DPP6: variants seen among roughly 807,000 people sequenced by gnomAD.
DPP6 encodes the protein dipeptidyl peptidase like 6, also known as A-type potassium channel modulatory protein DPP6.
Under a neutral mutation model 122.6 loss-of-function variants are expected in DPP6, and 69 were observed. That is an observed-to-expected ratio of 0.56 (90% CI 0.46 to 0.69). The LOEUF is 0.69. Among genes scored for constraint, DPP6 ranks in the 30% least tolerant of loss-of-function variants. The probability of loss-of-function intolerance (pLI) is 0.00; values close to 1 mark genes in which losing one functional copy is unlikely to be tolerated. For synonymous variants in DPP6, 418 were observed against 433.1 expected (o/e 0.97, Z 0.43); for missense variants, 928 against 1,116.9 (o/e 0.83, Z 2.41).
the DPP6 span, among the ~76,000 whole-genome samples, chr7:153,798,072 G>A: frequency 6.6e-6 from 1 of 152,084 alleles, no homozygotes; most frequent in Non-Finnish European, 1.5e-5. Context: ...TTGATCTCCT[G>A]ACCTCCTGAT....
intron 1 of DPP6, among the ~76,000 whole-genome samples, chr7:154,392,809 CA>C (rs1465588166): frequency 4.6e-5 from 7 of 152,162 alleles, no homozygotes; most frequent in African/African-American, 1.7e-4. Flanking sequence ...GAAGGAATGG[CA>C]GGTAATTTGC....
At chr7:154,347,003 C>A (rs1330374096) in intron 1 of DPP6, among the ~76,000 whole-genome samples, 2 of 152,178 alleles carry the variant, frequency 1.3e-5, no homozygotes, top group African/African-American at 4.8e-5. Context: ...TGTATCTCAG[C>A]AAACTCTACT....
intron 1 of DPP6, among the ~76,000 whole-genome samples, chr7:154,173,844 C>G (rs950801928): frequency 6.6e-6 from 1 of 152,168 alleles, no homozygotes; most frequent in Non-Finnish European, 1.5e-5. Context: ...GTGGGACATC[C>G]GGGGCCTTTG....
intron 1 of DPP6, among the ~76,000 whole-genome samples, chr7:154,356,700 A>T (rs901573311): frequency 2.0e-5 from 3 of 152,232 alleles, no homozygotes; most frequent in Admixed American, 6.5e-5. Flanking sequence ...TACAACTTTT[A>T]AAACAAAATA....
chr7:154,105,661 T>C (rs1806104718), intron 1 of DPP6, among the ~76,000 whole-genome samples: 1 of 152,112 alleles, frequency 6.6e-6, no homozygotes, highest in Non-Finnish European at 1.5e-5. Context: ...TCCTGTGCTG[T>C]TCTCATGAGA....
At chr7:154,749,130 GAA>G (rs1405593497) in intron 8 of DPP6, among the ~76,000 whole-genome samples, 17 of 147,394 alleles carry the variant, frequency 1.2e-4, no homozygotes, top group Admixed American at 2.0e-4. Flanking sequence ...ACCGGAAAGA[GAA>G]GGATGGCGGC....
intron 21 of DPP6, among the ~76,000 whole-genome samples, chr7:154,882,501 T>A (rs1329185973): frequency 4.6e-5 from 7 of 152,202 alleles, no homozygotes; most frequent in Admixed American, 2.0e-4. Context: ...TTGCGGCCTG[T>A]CCATTCTGTT....
intron 1 of DPP6, among the ~76,000 whole-genome samples, chr7:154,373,276 G>A (rs777635754): frequency 6.6e-6 from 1 of 152,142 alleles, no homozygotes; most frequent in Non-Finnish European, 1.5e-5. Context: ...TTCTGTAAGG[G>A]CCAGCCTTCA....
the DPP6 span, among the ~76,000 whole-genome samples, chr7:153,792,435 T>C: frequency 2.0e-5 from 3 of 152,346 alleles, no homozygotes; most frequent in South Asian, 6.2e-4. Context: ...TGGTAATATT[T>C]ATTTCTTAAG....
chr7:154,796,062 C>A, intron 12 of DPP6, 179 bp downstream of exon 12: 1 of 962,374 alleles, frequency 1.0e-6, no homozygotes, highest in Non-Finnish European at 1.5e-6. Context: ...CAGGGTTGCC[C>A]AGAGAGCTCC....
chr7:154,484,188 C>T (rs1823590686), intron 3 of DPP6, among the ~76,000 whole-genome samples: 1 of 152,126 alleles, frequency 6.6e-6, no homozygotes, highest in South Asian at 2.1e-4. Context: ...AAGGTTAATT[C>T]CAGAAGCAGG....
intron 5 of DPP6, 90 bp from the exon 6 acceptor site, chr7:154,637,731 A>G: frequency 7.4e-7 from 1 of 1,356,830 alleles, no homozygotes; most frequent in South Asian, 1.5e-5. Flanking sequence ...TGGTTCACTG[A>G]TGTTTGTTAG....
At chr7:153,959,634 T>G (rs1795245457) in intron 1 of DPP6, among the ~76,000 whole-genome samples, 2 of 152,260 alleles carry the variant, frequency 1.3e-5, no homozygotes, top group African/African-American at 2.4e-5. Context: ...TTTCTCAGCC[T>G]CCATAGAATT....
chr7:154,742,601 A>C lies in DPP6; in HGVS notation c.883+14714A>C, dbSNP rs10260804. Among the ~76,000 whole-genome samples, 1,061 of 152,346 alleles carry C rather than the reference A, an allele frequency of 7.0e-3. 13 individuals are homozygous for C. Among genetic ancestry groups the C allele is most frequent in the African/African-American group, 0.024 (1,000 of 41,574 alleles). ...TTTGAGATTCTGTAAGAAGTGACCT[A>C]ATGTGAGCATTTCCTGATATGGAGG... On this transcript the variant is annotated intron_variant, in intron 8 of 25. Transcript: ENST00000377770.
chr7:154,419,554 C>T (rs1346127741), intron 1 of DPP6, among the ~76,000 whole-genome samples: 3 of 152,186 alleles, frequency 2.0e-5, no homozygotes, highest in Non-Finnish European at 2.9e-5. Flanking sequence ...TTGTGCACTT[C>T]ACCAGCGACC....
At chr7:153,774,089 T>A in the DPP6 span, among the ~76,000 whole-genome samples, 1 of 152,128 alleles carries the variant, frequency 6.6e-6, no homozygotes, top group Non-Finnish European at 1.5e-5. Flanking sequence ...GCAAGCAGAA[T>A]ATGTTTGTAC....
chr7:154,197,818 C>T (rs1217017559), intron 1 of DPP6, among the ~76,000 whole-genome samples: 1 of 152,122 alleles, frequency 6.6e-6, no homozygotes, highest in Admixed American at 6.5e-5. Flanking sequence ...ATATCCTAAC[C>T]CACCTGATCC....
intron 10 of DPP6, among the ~76,000 whole-genome samples, chr7:154,773,769 T>C (rs1252066508): frequency 1.3e-5 from 2 of 152,154 alleles, no homozygotes; most frequent in Non-Finnish European, 2.9e-5. Flanking sequence ...GCCTTTATTA[T>C]TCCATTCAAA....
intron 1 of DPP6, among the ~76,000 whole-genome samples, chr7:154,138,969 C>T (rs181356932): frequency 5.2e-4 from 79 of 152,226 alleles, no homozygotes; most frequent in African/African-American, 1.8e-3. Flanking sequence ...CAGTGGCAAC[C>T]TGAATTACTG....
Sources: gnomAD v4.1 joint callset for allele counts (sites outside exome capture counted in the v4.1 genomes callset) on GRCh38, gnomAD v4.1.1 for gene constraint, MANE v1.5 for transcripts, NCBI Gene and HGNC (gene_info 2026-07-23, HGNC 2026-07-21) for gene names.